Variants in TNS3 observed in about 807,000 individuals in gnomAD.
TNS3 encodes the protein tensin 3.
A neutral mutation model predicts 140.9 loss-of-function variants in TNS3; 45 were observed. The ratio of observed to expected loss-of-function variants is 0.32; its 90% CI spans 0.25 to 0.41. The LOEUF (loss-of-function observed/expected upper bound fraction) is 0.41. Among genes scored for constraint, TNS3 ranks in the 10% least tolerant of loss-of-function variants. The pLI, the probability that TNS3 is intolerant of heterozygous loss-of-function variation, is 1.00. For synonymous variants in TNS3, 815 were observed against 788.4 expected (o/e 1.03, Z -0.56); for missense variants, 1,716 against 1,906.7 (o/e 0.90, Z 1.86).
At chr7:47,332,913 T>A (rs1196849140) in intron 20 of TNS3, among the ~76,000 whole-genome samples, 2 of 152,074 alleles carry the variant, frequency 1.3e-5, no homozygotes, top group Non-Finnish European at 2.9e-5. Flanking sequence ...ATGCTGAGGG[T>A]CAAGAACAGT....
Position 47,428,315 on chromosome 7 carries a change from G to A in TNS3, c.386C>T (p.Ala129Val). ...CGAGCTGACATCTTCATCCTACCTG[G>A]CTGAGACGTTGGTGAAATGCATGTA... is the stretch of plus-strand genomic sequence containing the variant. ...SSYMHFTNVS[A>V]SADQALDRFA... Residue 129 changes from alanine to valine, a missense_variant, in exon 9 of 31, where the codon GCC (alanine) becomes GTC (valine). Physicochemically the swap from Ala to Val is moderately conservative, Grantham distance 64 (BLOSUM62 0). Around this residue, in one of 3 missense-constraint regions of TNS3, gnomAD observed 337 missense variants for 428.9 expected, o/e 0.79. Coordinates refer to ENST00000311160, the MANE Select transcript of TNS3 (RefSeq NM_022748.12). The A allele has an allele frequency of 6.9e-7, 1 of 1,445,310 alleles. No homozygotes were observed. Among genetic ancestry groups the A allele is most frequent in the Non-Finnish European group, 9.1e-7 (1 of 1,093,198 alleles). The allele number at this position is 1,445,310 out of a possible 1,614,324, so 89.5% of individuals were successfully genotyped here. A position where few individuals can be genotyped will look rare whatever the true frequency, so the allele number is the denominator to read the frequency against.
Position 47,389,080 on chromosome 7 carries a change from A to AGTG in TNS3, c.1024+7719_1024+7720insCAC, listed in dbSNP as rs1792309636. ...AAGAAGAAGAAGAAGAAGAAGAAGA[A>AGTG]GAAGAGGAAGAGGAAGAGGAAGCGG... On this transcript the variant is annotated intron_variant, in intron 16 of 30. Transcript: ENST00000311160. 4.7e-4 allele frequency among the ~76,000 whole-genome samples: 31 copies of AGTG among 65,850 alleles called. 7 individuals carry two copies. Among genetic ancestry groups the AGTG allele is most frequent in the African/African-American group, 1.8e-3 (27 of 15,206 alleles). 43.2% of individuals were successfully genotyped at this position (65,850 alleles called of 152,430 possible).
At chr7:47,343,395 T>TC (rs1789132575) in intron 20 of TNS3, among the ~76,000 whole-genome samples, 2 of 152,292 alleles carry the variant, frequency 1.3e-5, no homozygotes, top group Middle Eastern at 3.4e-3. Context: ...TTGCAGGCTG[T>TC]TTCTAGTATT....
At chr7:47,389,073 A>G (rs1484764375) in intron 16 of TNS3, among the ~76,000 whole-genome samples, 3 of 62,078 alleles carry the variant, frequency 4.8e-5, no homozygotes, top group African/African-American at 2.1e-4. Context: ...GAAGAAGAAG[A>G]AGAAGAAGAA....
chr7:47,462,376 T>C (rs1049938955), intron 4 of TNS3, among the ~76,000 whole-genome samples: 1 of 152,218 alleles, frequency 6.6e-6, no homozygotes, highest in Non-Finnish European at 1.5e-5. Flanking sequence ...GGAACCCTTA[T>C]CATCCCCACT....
chr7:47,311,453 TAG>T (rs899447132), intron 20 of TNS3, among the ~76,000 whole-genome samples: 10 of 149,742 alleles, frequency 6.7e-5, no homozygotes, highest in African/African-American at 1.5e-4. Flanking sequence ...CATATATATA[TAG>T]AGAGAGAGAG....
At chr7:47,469,377 C>T (rs765979648) in intron 4 of TNS3, among the ~76,000 whole-genome samples, 7 of 152,146 alleles carry the variant, frequency 4.6e-5, no homozygotes, top group Admixed American at 6.5e-5. Flanking sequence ...GTCAGAATGG[C>T]TATTATTAAA....
Position 47,348,808 on chromosome 7 carries a change from G to A in TNS3, c.2282-2452C>T, listed in dbSNP as rs555256942. 7.2e-5 allele frequency among the ~76,000 whole-genome samples: 11 copies of A among 152,324 alleles called. No homozygotes were observed. The East Asian group carries it at 1.5e-3, about 21-fold the overall frequency. ...GAAACTCACTGGCTTCAGAAACTGAGGTCCCATTAGGGTTAGCTGACAACA... is the reference window on the plus strand; with the variant it reads ...GAAACTCACTGGCTTCAGAAACTGAAGTCCCATTAGGGTTAGCTGACAACA... On this transcript the variant is annotated intron_variant, in intron 17 of 30. Coordinates refer to ENST00000311160, the MANE Select transcript of TNS3 (RefSeq NM_022748.12).
intron 3 of TNS3, among the ~76,000 whole-genome samples, chr7:47,503,100 C>T (rs1470933015): frequency 2.0e-5 from 3 of 152,154 alleles, no homozygotes; most frequent in Non-Finnish European, 2.9e-5. Context: ...CTCACTAACT[C>T]CTGCGTATGG....
intron 4 of TNS3, among the ~76,000 whole-genome samples, chr7:47,474,147 A>G (rs1008020042): frequency 1.1e-5 from 1 of 87,792 alleles, no homozygotes; most frequent in Non-Finnish European, 2.4e-5. Context: ...CACACACACA[A>G]CACACATAAA....
chr7:47,300,328 C>T (rs576499058), intron 23 of TNS3, among the ~76,000 whole-genome samples: 61 of 152,308 alleles, frequency 4.0e-4, no homozygotes, highest in African/African-American at 1.5e-3. Context: ...GAAAAACCAA[C>T]ACTCGATGCA....
At chr7:47,429,541 G>C (rs527613789) in intron 8 of TNS3, among the ~76,000 whole-genome samples, 61 of 152,206 alleles carry the variant, frequency 4.0e-4, no homozygotes, top group Non-Finnish European at 7.5e-4. Context: ...CTAATTTTTT[G>C]TATTTTTAGT....
chr7:47,543,606 G>A (rs1342672974), intron 1 of TNS3, among the ~76,000 whole-genome samples: 2 of 152,244 alleles, frequency 1.3e-5, no homozygotes, highest in Admixed American at 1.3e-4. Flanking sequence ...CCACTCGGGT[G>A]GAAGCAGGAC....
intron 3 of TNS3, among the ~76,000 whole-genome samples, chr7:47,505,066 C>T (rs1350497705): frequency 2.6e-5 from 4 of 152,140 alleles, no homozygotes; most frequent in African/African-American, 7.2e-5. Flanking sequence ...CTCATCTCTG[C>T]GGCTGTGGCT....
chr7:47,445,164 C>A (rs904829224), intron 4 of TNS3, among the ~76,000 whole-genome samples: 1 of 152,186 alleles, frequency 6.6e-6, no homozygotes, highest in Non-Finnish European at 1.5e-5. Context: ...GACAGCTTGA[C>A]ACCCACTCAA....
chr7:47,442,735 C>CA (rs1031896516), intron 4 of TNS3, among the ~76,000 whole-genome samples: 1 of 152,184 alleles, frequency 6.6e-6, no homozygotes, highest in African/African-American at 2.4e-5. Flanking sequence ...AGGGCTCCCT[C>CA]AAAGTCTCTT....
At chr7:47,406,183 C>T (rs900455473) in intron 13 of TNS3, among the ~76,000 whole-genome samples, 12 of 152,176 alleles carry the variant, frequency 7.9e-5, no homozygotes, top group African/African-American at 2.4e-4. Flanking sequence ...AAGAATCTGA[C>T]CTTTTGGGAA....
intron 1 of TNS3, among the ~76,000 whole-genome samples, chr7:47,559,709 G>A (rs1275892495): frequency 2.0e-5 from 3 of 152,192 alleles, no homozygotes; most frequent in South Asian, 2.1e-4. Flanking sequence ...TCTCCCTGGG[G>A]CCCTTGTCCA....
intron 1 of TNS3, among the ~76,000 whole-genome samples, chr7:47,577,221 G>A (rs1334977910): frequency 6.6e-6 from 1 of 152,160 alleles, no homozygotes; most frequent in Non-Finnish European, 1.5e-5. Flanking sequence ...CGCTCGCTTG[G>A]GCAGCTGGAA....
Sources: gnomAD v4.1 joint callset for allele counts (sites outside exome capture counted in the v4.1 genomes callset) on GRCh38, gnomAD v4.1.1 for gene constraint, gnomAD v4.1.1 regional missense constraint, MANE v1.5 for transcripts, NCBI Gene and HGNC (gene_info 2026-07-23, HGNC 2026-07-21) for gene names.